SRPRB: variants seen among roughly 807,000 people sequenced by gnomAD.
SRPRB encodes signal recognition particle receptor subunit beta.
A neutral mutation model predicts 31.9 loss-of-function variants in SRPRB; 20 were observed. That is an observed-to-expected ratio of 0.63 (90% CI 0.44 to 0.91). The LOEUF (loss-of-function observed/expected upper bound fraction) is 0.91. Ranked by LOEUF, SRPRB falls within the 40% of genes least tolerant of loss-of-function variation. The pLI is 0.00. For synonymous variants in SRPRB, 146 were observed against 132.8 expected (o/e 1.10, Z -0.68); for missense variants, 321 against 324.9 (o/e 0.99, Z 0.09).
chr3:133,822,244 C>G (rs1935485489), downstream of SRPRB, among the ~76,000 whole-genome samples: 1 of 152,080 alleles, frequency 6.6e-6, no homozygotes, highest in Admixed American at 6.5e-5. Context: ...AGTGTATGGA[C>G]ACCGAGACCT....
upstream of SRPRB, among the ~76,000 whole-genome samples, chr3:133,805,448 C>A (rs1576380794): frequency 6.6e-6 from 1 of 152,264 alleles, no homozygotes; most frequent in East Asian, 1.9e-4. Context: ...TCCCTTGTCA[C>A]ATTAAATTCA....
chr3:133,799,207 A>T (rs1176402864), intron 1 of SRPRB, among the ~76,000 whole-genome samples: 1 of 152,188 alleles, frequency 6.6e-6, no homozygotes, highest in Non-Finnish European at 1.5e-5. Flanking sequence ...TTTATTCTTG[A>T]TTGCACTTCT....
At chr3:133,811,262 T>A in intron 4 of SRPRB, 63 bp downstream of exon 4, 1 of 1,539,940 alleles carries the variant, frequency 6.5e-7, no homozygotes, top group Non-Finnish European at 9.0e-7. Flanking sequence ...AAGCCACTCA[T>A]GTGATTTGCT....
intron 1 of SRPRB, chr3:133,792,454 T>C (rs777096226): frequency 2.0e-5 from 3 of 152,228 alleles, no homozygotes; most frequent in Non-Finnish European, 2.9e-5. Flanking sequence ...ACTTGCCTGC[T>C]TTACAGCTCG....
At chr3:133,788,050 G>C (rs967875588) in intron 1 of SRPRB, 1 of 152,200 alleles carries the variant, frequency 6.6e-6, no homozygotes, top group African/African-American at 2.4e-5. Context: ...TTAGAAGACA[G>C]TTTAAGATAA....
At chr3:133,828,508 T>C (rs2107983665), downstream of SRPRB, 1 of 476,406 alleles carries the variant, frequency 2.1e-6, no homozygotes, top group East Asian at 3.9e-5. Flanking sequence ...ATACACATGA[T>C]TTAAATTTTT....
intron 5 of SRPRB, among the ~76,000 whole-genome samples, chr3:133,816,656 T>A (rs1203747324): frequency 6.6e-6 from 1 of 152,220 alleles, no homozygotes; most frequent in Non-Finnish European, 1.5e-5. Flanking sequence ...AAGTCAGTTT[T>A]AGGGTCACCA....
rs545684154 is a variant in SRPRB, at chr3:133,807,500, A to G, written c.250-246A>G. ...ATTTTTGTTGGTTAAAAATCTTTAC[A>G]GAAGCTTGGCAAATTTGGCCACTAA... On this transcript the variant is annotated intron_variant, in intron 2 of 6. Coordinates refer to ENST00000678299, the MANE Select transcript of SRPRB (RefSeq NM_001379313.1). Among the ~76,000 whole-genome samples, 15 of 152,264 alleles carry G rather than the reference A, an allele frequency of 9.9e-5. No homozygotes were observed. The South Asian group carries it at 3.1e-3, about 32-fold the overall frequency.
In SRPRB at chr3:133,819,918, A is replaced by ATTTT. The variant is rs75496501; in HGVS notation, c.*169_*172dup. On this transcript the variant is annotated 3_prime_UTR_variant, in exon 7 of 7. Coordinates refer to ENST00000678299, the MANE Select transcript of SRPRB (RefSeq NM_001379313.1). ...AAAGTACTGTTGAAACCAGCTTGGA[A>ATTTT]TTTTTTTTTTTTTTTTTTTTAAGTT... The ATTTT allele has an allele frequency of 5.5e-6, 3 of 542,826 alleles. No individual in the cohort carries two copies. The highest frequency in any genetic ancestry group is 9.5e-6 in the Non-Finnish European group (3 of 314,502). The allele number at this position is 542,826 out of a possible 1,614,324, so 33.6% of individuals were successfully genotyped here. A position where few individuals can be genotyped will look rare whatever the true frequency, so the allele number is the denominator to read the frequency against.
chr3:133,802,040 G>T (rs1468755177), upstream of SRPRB, among the ~76,000 whole-genome samples: 1 of 152,184 alleles, frequency 6.6e-6, no homozygotes, highest in Non-Finnish European at 1.5e-5. Context: ...TATCCTTGGG[G>T]AGGTTACTCA....
At chr3:133,803,902 C>T (rs1424453487), upstream of SRPRB, among the ~76,000 whole-genome samples, 1 of 151,368 alleles carries the variant, frequency 6.6e-6, no homozygotes, top group Non-Finnish European at 1.5e-5. Flanking sequence ...CGAGACCATC[C>T]TGGCTAACAT....
In SRPRB at chr3:133,815,592, C is replaced by CTATTG. The variant is rs1559892683; in HGVS notation, c.415_419dup (p.Phe141LeufsTer14). ...TTTTTCTTGTTTTCTCCCTCCAGGG[C>CTATTG]TATTGTGTTTGTTGTGGATAGTGCA... On this transcript the variant is annotated frameshift_variant, in exon 5 of 7. Transcript: ENST00000678299. LOFTEE classifies it high-confidence loss of function. The CTATTG allele has an allele frequency of 6.2e-7, 1 of 1,613,750 alleles. No homozygotes were observed. Among genetic ancestry groups the CTATTG allele is most frequent in the South Asian group, 1.1e-5 (1 of 91,014 alleles).
At chr3:133,814,280 C>T (rs971016589) in intron 4 of SRPRB, among the ~76,000 whole-genome samples, 3 of 152,016 alleles carry the variant, frequency 2.0e-5, no homozygotes, top group Admixed American at 6.5e-5. Flanking sequence ...AACAGGCACC[C>T]GCCATCACAC....
At chr3:133,807,945 G>A in intron 3 of SRPRB, 122 bp downstream of exon 3, 1 of 684,114 alleles carries the variant, frequency 1.5e-6, no homozygotes, top group Non-Finnish European at 2.5e-6. Flanking sequence ...TATTTTTATG[G>A]AGAAACATAT....
chr3:133,808,294 A>G (rs1935198763), intron 3 of SRPRB, among the ~76,000 whole-genome samples: 1 of 151,724 alleles, frequency 6.6e-6, no homozygotes, highest in African/African-American at 2.4e-5. Context: ...TTCTGTGCAT[A>G]TACAAACATG....
upstream of SRPRB, among the ~76,000 whole-genome samples, chr3:133,804,572 C>T (rs930824647): frequency 6.6e-6 from 1 of 152,068 alleles, no homozygotes; most frequent in African/African-American, 2.4e-5. Context: ...GCTGGGTAGC[C>T]GTCCTAACAG....
intron 1 of SRPRB, chr3:133,795,442 C>T (rs1484134683): frequency 6.6e-6 from 1 of 152,154 alleles, no homozygotes; most frequent in Non-Finnish European, 1.5e-5. Context: ...GCCATGAGGA[C>T]ACTGTAACCT....
At chr3:133,811,315 T>A in intron 4 of SRPRB, 116 bp downstream of exon 4, 1 of 1,031,876 alleles carries the variant, frequency 9.7e-7, no homozygotes, top group Non-Finnish European at 1.4e-6. Flanking sequence ...GTGGTAGACC[T>A]TGAGGTGACC....
At chr3:133,817,756 T>A (rs879851982) in intron 6 of SRPRB, among the ~76,000 whole-genome samples, 1 of 152,160 alleles carries the variant, frequency 6.6e-6, no homozygotes, top group Non-Finnish European at 1.5e-5. Context: ...ACTGACTCCC[T>A]TATTCATTTA....
Sources: gnomAD v4.1 joint callset for allele counts (sites outside exome capture counted in the v4.1 genomes callset) on GRCh38, gnomAD v4.1.1 for gene constraint, MANE v1.5 for transcripts, NCBI Gene and HGNC (gene_info 2026-07-23, HGNC 2026-07-21) for gene names.